SLC6A6: variants seen among roughly 807,000 people sequenced by gnomAD.
SLC6A6 encodes sodium- and chloride-dependent taurine transporter.
Under a neutral mutation model 68.8 loss-of-function variants are expected in SLC6A6, and 16 were observed. The ratio of observed to expected loss-of-function variants is 0.23; its 90% CI spans 0.16 to 0.35. The LOEUF is 0.35. Ranked by LOEUF, SLC6A6 falls within the 10% of genes least tolerant of loss-of-function variation. The probability of loss-of-function intolerance (pLI) is 1.00; values close to 1 mark genes in which losing one functional copy is unlikely to be tolerated. For synonymous variants in SLC6A6, 312 were observed against 315.4 expected (o/e 0.99, Z 0.12); for missense variants, 474 against 802.8 (o/e 0.59, Z 4.95).
At chr3:14,483,903 T>G (rs1701073434) in intron 14 of SLC6A6, among the ~76,000 whole-genome samples, 1 of 152,162 alleles carries the variant, frequency 6.6e-6, no homozygotes, top group African/African-American at 2.4e-5. Context: ...CAGACTGCCT[T>G]TAAATCCTGA....
At chr3:14,411,827 G>GCCCT (rs1699257883) in intron 1 of SLC6A6, among the ~76,000 whole-genome samples, 1 of 152,208 alleles carries the variant, frequency 6.6e-6, no homozygotes, top group African/African-American at 2.4e-5. Context: ...CTAGGCCCTG[G>GCCCT]GGATGTGGCT....
At position 14,485,822 on chromosome 3, in the gene SLC6A6, G is replaced by A. The variant is rs1286603374; in HGVS notation, c.*815G>A. The A allele has an allele frequency of 6.6e-6, 1 of 152,390 alleles. No individual in the cohort carries two copies. Among genetic ancestry groups the A allele is most frequent in the Non-Finnish European group, 1.5e-5 (1 of 68,058 alleles). The allele number at this position is 152,390 out of a possible 1,614,324, so 9.4% of individuals were successfully genotyped here. ...ACCGTCAGAACCACTGGCCAGAGAG[G>A]GAGCTGCTAGAGATCCAAGAAGGCT... On this transcript the variant is annotated 3_prime_UTR_variant, in exon 15 of 15. Transcript: ENST00000622186.
intron 10 of SLC6A6, among the ~76,000 whole-genome samples, chr3:14,473,437 G>C (rs1448382448): frequency 6.6e-6 from 1 of 152,106 alleles, no homozygotes; most frequent in Non-Finnish European, 1.5e-5. Flanking sequence ...TGAGAGGTTG[G>C]AGCTTGCAGC....
rs1700687636 is a variant in SLC6A6, at chr3:14,468,827, C to G, written c.1096+615C>G. Among the ~76,000 whole-genome samples the G allele has an allele frequency of 6.6e-6, 1 of 152,112 alleles. No homozygotes were observed. Among genetic ancestry groups the G allele is most frequent in the South Asian group, 2.1e-4 (1 of 4,832 alleles). ...CAGTGTCGCCCCTCGGGGTGTGGGCCCTGTTGACCAGGCACTCTTCCTCGG... is the reference window on the plus strand; with the variant it reads ...CAGTGTCGCCCCTCGGGGTGTGGGCGCTGTTGACCAGGCACTCTTCCTCGG... On this transcript the variant is annotated intron_variant, in intron 9 of 14. Transcript: ENST00000622186. The surrounding 1 kb of genome is among the most constrained non-coding windows in gnomAD (Gnocchi z 4.5).
intron 2 of SLC6A6, among the ~76,000 whole-genome samples, chr3:14,417,071 G>A (rs1699377730): frequency 1.3e-5 from 2 of 152,204 alleles, no homozygotes; most frequent in Admixed American, 1.3e-4. Context: ...AGTGGCTCAC[G>A]CCTCCAATCC....
intron 10 of SLC6A6, among the ~76,000 whole-genome samples, chr3:14,476,915 G>A (rs1399248821): frequency 6.6e-6 from 1 of 152,210 alleles, no homozygotes; most frequent in African/African-American, 2.4e-5. Context: ...GCATTCTGGT[G>A]GCAGGAACAG....
At chr3:14,419,118 T>C (rs374436695) in intron 2 of SLC6A6, among the ~76,000 whole-genome samples, 1 of 152,352 alleles carries the variant, frequency 6.6e-6, no homozygotes, top group East Asian at 1.9e-4. Flanking sequence ...TTCCTCTTTT[T>C]GAGGCTTGCT....
At chr3:14,467,217 C>G (rs1559309620) in intron 7 of SLC6A6, among the ~76,000 whole-genome samples, 2 of 152,152 alleles carry the variant, frequency 1.3e-5, no homozygotes, top group Non-Finnish European at 2.9e-5. Context: ...CGGTTGCTTC[C>G]CAAGGGCCTG....
chr3:14,474,677 C>G (rs2124990892), intron 10 of SLC6A6, among the ~76,000 whole-genome samples: 1 of 152,360 alleles, frequency 6.6e-6, no homozygotes, highest in South Asian at 2.1e-4. Flanking sequence ...AGCCAAGGCT[C>G]CACACAGCTA....
chr3:14,409,337 A>C (rs1392181362), intron 1 of SLC6A6, among the ~76,000 whole-genome samples: 1 of 152,212 alleles, frequency 6.6e-6, no homozygotes, highest in Non-Finnish European at 1.5e-5. Context: ...CTTGCCCCGG[A>C]GGGTGCAGAG....
rs1319950483 is a variant in SLC6A6 at position 14,410,228 on chromosome 3, T to TC, written c.-53-6178dup. On this transcript the variant is annotated intron_variant, in intron 1 of 14. Coordinates refer to ENST00000622186, the MANE Select transcript of SLC6A6 (RefSeq NM_003043.6). ...TGTTCACAGATGTGGCTCCCTGTGC[T>TC]CCCCCCTCCCAGCCGCACCCATCAT... Among the ~76,000 whole-genome samples the TC allele has an allele frequency of 3.5e-5, 5 of 143,042 alleles. No homozygotes were observed. The South Asian group carries it at 9.1e-4, about 26-fold the overall frequency. The allele number at this position is 143,042 out of a possible 152,430, so 93.8% of individuals were successfully genotyped here.
At position 14,402,914 on chromosome 3, in the gene SLC6A6, C is replaced by A; in HGVS notation, c.-54+67C>A. 2 of 387,870 alleles carry A rather than the reference C, an allele frequency of 5.2e-6. No homozygotes were observed. The highest frequency in any genetic ancestry group is 7.4e-5 in the East Asian group (2 of 27,082). 24.0% of individuals were successfully genotyped at this position (387,870 alleles called of 1,614,324 possible). A position where few individuals can be genotyped will look rare whatever the true frequency, so the allele number is the denominator to read the frequency against. ...CCGCCGTCTGCAGCCCCTCCCCATC[C>A]CCGCGTCGCCGCAGTCCCGGCCTCC... On this transcript the variant is annotated intron_variant, in intron 1 of 14. Transcript: ENST00000622186. The surrounding 1 kb of genome is among the most constrained non-coding windows in gnomAD (Gnocchi z 4.8).
At chr3:14,444,716 CT>C (rs1559298677) in intron 3 of SLC6A6, 1 of 456,608 alleles carries the variant, frequency 2.2e-6, no homozygotes, top group South Asian at 1.5e-5. Context: ...CCCTTAGAGC[CT>C]GGTTTCTTAA....
chr3:14,426,983 G>C (rs78721624), intron 2 of SLC6A6, among the ~76,000 whole-genome samples: 1 of 152,162 alleles, frequency 6.6e-6, no homozygotes, highest in South Asian at 2.1e-4. Flanking sequence ...GCTGCAGAGC[G>C]TTCTTATGTG....
chr3:14,427,086 GA>G (rs1294687746), intron 2 of SLC6A6, among the ~76,000 whole-genome samples: 2 of 145,178 alleles, frequency 1.4e-5, no homozygotes, highest in Non-Finnish European at 2.9e-5. Flanking sequence ...GAGGCACAGA[GA>G]CCCTGGGTGC....
Position 14,472,246 on chromosome 3 carries a change from A to T in SLC6A6, c.1138A>T (p.Met380Leu). ...CATTGCCTACCCAAAAGCTGTGACAATGATGCCGCTGCCCACATTTTGGTC... is the reference window on the plus strand; with the variant it reads ...CATTGCCTACCCAAAAGCTGTGACATTGATGCCGCTGCCCACATTTTGGTC... Reference protein sequence around the residue: ...AFIAYPKAVTMMPLPTFWSIL... With the variant: ...AFIAYPKAVTLMPLPTFWSIL... Residue 380 changes from methionine to leucine, a missense_variant, in exon 10 of 15, where the codon ATG (methionine) becomes TTG (leucine). By Grantham distance (15) the Met-to-Leu change is conservative (BLOSUM62 2). Around this residue, in one of 2 missense-constraint regions of SLC6A6, gnomAD observed 280 missense variants for 533.1 expected, o/e 0.53. Transcript: ENST00000622186. The surrounding 1 kb of genome is among the most constrained non-coding windows in gnomAD (Gnocchi z 4.5). 6.2e-7 allele frequency: 1 copy of T among 1,614,050 alleles called. No homozygotes were observed. The highest frequency in any genetic ancestry group is 1.3e-5 in the African/African-American group (1 of 75,034).
chr3:14,414,031 C>A (rs774879207), intron 1 of SLC6A6, among the ~76,000 whole-genome samples: 18 of 152,054 alleles, frequency 1.2e-4, no homozygotes, highest in Non-Finnish European at 2.2e-4. Flanking sequence ...TAAAAAAGAA[C>A]ATTTACTGAC....
intron 6 of SLC6A6, among the ~76,000 whole-genome samples, chr3:14,464,106 A>G (rs181428648): frequency 3.9e-4 from 59 of 152,282 alleles, no homozygotes; most frequent in African/African-American, 1.3e-3. Context: ...CAGAGCTCCT[A>G]CGGTCCCAGC....
In SLC6A6 at chr3:14,484,963, G is replaced by A. The variant is rs770074983; in HGVS notation, c.1819G>A (p.Ala607Thr). ...CAACTCTCGCACCGTCATGAACGGC[G>A]CTCTCGTGAAACCGACCCACATCAT... ...PYNSRTVMNG[A>T]LVKPTHIIVE... The change falls in exon 15 of 15, where the codon GCT (alanine) becomes ACT (threonine). Residue 607 changes from alanine to threonine, a missense_variant. This residue lies in a region of SLC6A6 where 194 missense variants were observed against 269.8 expected (regional missense o/e 0.72). Coordinates refer to ENST00000622186, the MANE Select transcript of SLC6A6 (RefSeq NM_003043.6). 63 of 1,613,082 alleles carry A rather than the reference G, an allele frequency of 3.9e-5. No homozygotes were observed. Among genetic ancestry groups the A allele is most frequent in the Admixed American group, 6.7e-5 (4 of 59,972 alleles).
Sources: gnomAD v4.1 joint callset for allele counts (sites outside exome capture counted in the v4.1 genomes callset) on GRCh38, gnomAD v4.1.1 for gene constraint, gnomAD v4.1.1 regional missense constraint, Gnocchi (gnomAD v3.1) non-coding constraint, MANE v1.5 for transcripts, NCBI Gene and HGNC (gene_info 2026-07-23, HGNC 2026-07-21) for gene names.